Variants in ZFTRAF1 observed in about 807,000 individuals in gnomAD.
ZFTRAF1 encodes the protein zinc finger TRAF-type and ring finger containing 1, also known as zinc finger TRAF-type-containing protein 1.
chr8:144,456,912 A>C, the ZFTRAF1 span: 1 of 151,048 alleles, frequency 6.6e-6, no homozygotes, highest in East Asian at 2.0e-4. Flanking sequence ...ATGACATCAC[A>C]CTGGCATCAT....
At chr8:144,452,556 T>C in the ZFTRAF1 span, 1 of 1,537,342 alleles carries the variant, frequency 6.5e-7, no homozygotes, top group South Asian at 1.2e-5. Flanking sequence ...GCGTTTGTAC[T>C]TGCACTGGGT....
the ZFTRAF1 span, among the ~76,000 whole-genome samples, chr8:144,452,913 C>T: frequency 1.4e-4 from 22 of 152,258 alleles, no homozygotes; most frequent in Non-Finnish European, 3.2e-4. Flanking sequence ...GCAGTGTACC[C>T]TCACACCAAG....
the ZFTRAF1 span, chr8:144,457,741 C>G: frequency 6.6e-6 from 1 of 152,340 alleles, no homozygotes. Flanking sequence ...CCACGATTTC[C>G]TGGTGGTCCC....
chr8:144,462,304 C>G, the ZFTRAF1 span: 1 of 598,834 alleles, frequency 1.7e-6, no homozygotes. Context: ...AGGCCTTGGG[C>G]AGGTCCAGGC....
chr8:144,460,013 T>C, the ZFTRAF1 span, among the ~76,000 whole-genome samples: 52,191 of 152,094 alleles, frequency 0.34, 9,699 homozygotes, highest in Middle Eastern at 0.53. Context: ...GAAGGCAGCA[T>C]GTGGGGGCCC....
chr8:144,452,359 C>G, the ZFTRAF1 span: 1 of 1,548,752 alleles, frequency 6.5e-7, no homozygotes, highest in Non-Finnish European at 8.7e-7. Flanking sequence ...GGCGCCTCAC[C>G]TGTGTAGCCA....
At chr8:144,460,876 TCC>T in the ZFTRAF1 span, among the ~76,000 whole-genome samples, 1 of 152,024 alleles carries the variant, frequency 6.6e-6, no homozygotes, top group Non-Finnish European at 1.5e-5. Context: ...AGAGTGAGAC[TCC>T]GTCTCAAAAA....
the ZFTRAF1 span, chr8:144,462,166 G>A: frequency 1.1e-5 from 4 of 370,716 alleles, no homozygotes; most frequent in African/African-American, 4.3e-5. Flanking sequence ...GGCCAGAGAG[G>A]GTTCCCGGCC....
At chr8:144,453,192 T>C in the ZFTRAF1 span, 1 of 1,542,722 alleles carries the variant, frequency 6.5e-7, no homozygotes, top group East Asian at 2.4e-5. Context: ...GGGCCCCGCC[T>C]GTAAGGCTAA....
the ZFTRAF1 span, chr8:144,453,190 C>T: frequency 6.5e-7 from 1 of 1,540,860 alleles, no homozygotes; most frequent in Non-Finnish European, 8.8e-7. Context: ...CTGGGCCCCG[C>T]CTGTAAGGCT....
At chr8:144,457,882 C>A in the ZFTRAF1 span, 1 of 152,410 alleles carries the variant, frequency 6.6e-6, no homozygotes, top group Non-Finnish European at 1.5e-5. Flanking sequence ...GAGCAGTGCC[C>A]TCGCTCACCC....
At chr8:144,461,762 T>C in the ZFTRAF1 span, among the ~76,000 whole-genome samples, 2 of 152,288 alleles carry the variant, frequency 1.3e-5, no homozygotes, top group South Asian at 2.1e-4. Context: ...GAAAGGATTC[T>C]TCCACCCAGG....
the ZFTRAF1 span, chr8:144,453,667 C>A: frequency 1.7e-6 from 1 of 576,528 alleles, no homozygotes; most frequent in Non-Finnish European, 3.1e-6. Flanking sequence ...TGGGTTCTTG[C>A]AGAGATTAGA....
At chr8:144,454,651 C>G in the ZFTRAF1 span, 3 of 152,326 alleles carry the variant, frequency 2.0e-5, no homozygotes, top group African/African-American at 7.2e-5. Flanking sequence ...TGTGGTGCAG[C>G]AGAGCAGCCT....
chr8:144,449,619 C>T, the ZFTRAF1 span: 1 of 152,382 alleles, frequency 6.6e-6, no homozygotes, highest in East Asian at 1.9e-4. Context: ...GGAGTTTAAT[C>T]TTTTTCCTGG....
the ZFTRAF1 span, among the ~76,000 whole-genome samples, chr8:144,460,315 A>G: frequency 6.6e-6 from 1 of 152,248 alleles, no homozygotes; most frequent in African/African-American, 2.4e-5. Flanking sequence ...CGCCCAGAGC[A>G]GAACTCCACT....
At chr8:144,452,496 G>C in the ZFTRAF1 span, 1 of 1,545,484 alleles carries the variant, frequency 6.5e-7, no homozygotes, top group Non-Finnish European at 8.7e-7. Context: ...GGCGCACGCA[G>C]CCTCGTGCAC....
At chr8:144,450,649 A>G in the ZFTRAF1 span, 1 of 717,814 alleles carries the variant, frequency 1.4e-6, no homozygotes, top group Non-Finnish European at 2.6e-6. Context: ...GGTTGGGGTT[A>G]CGCTCCGAGT....
At chr8:144,461,890 T>C in the ZFTRAF1 span, among the ~76,000 whole-genome samples, 2 of 152,086 alleles carry the variant, frequency 1.3e-5, no homozygotes, top group East Asian at 3.9e-4. Context: ...CCCAGGGAGC[T>C]TGGGACCGGG....
Sources: allele counts gnomAD v4.1 joint callset (sites outside exome capture counted in the v4.1 genomes callset), GRCh38; gene constraint gnomAD v4.1.1; transcripts MANE v1.5; gene names NCBI Gene and HGNC (gene_info 2026-07-23, HGNC 2026-07-21).